The following CRACD variants were observed in gnomAD, a reference collection of about 807,000 sequenced individuals.
CRACD encodes the protein capping protein-inhibiting regulator of actin dynamics.
CRACD carries 56 observed loss-of-function variants against 106.8 expected under a neutral mutation model. The ratio of observed to expected loss-of-function variants is 0.52; its 90% CI spans 0.42 to 0.66. CRACD has a LOEUF of 0.66. Among genes scored for constraint, CRACD ranks in the 30% least tolerant of loss-of-function variants. The probability of loss-of-function intolerance (pLI) is 0.00; values close to 1 mark genes in which losing one functional copy is unlikely to be tolerated. For missense variants in CRACD, 1,730 were observed against 1,623.2 expected, an observed-to-expected ratio of 1.07 and a Z score of -1.13; for synonymous variants, 754 against 670.8, an observed-to-expected ratio of 1.12 and a Z score of -1.92.
At position 56,245,267 on chromosome 4, in the gene CRACD, G is replaced by A. The variant is rs549998387; in HGVS notation, c.-188-27054G>A. Among the ~76,000 whole-genome samples the A allele has an allele frequency of 2.6e-5, 4 of 152,256 alleles. No homozygotes were observed. In the South Asian group the frequency reaches 8.3e-4, roughly 32 times the overall value. ...ATAAATAATTGTTGAATGAATTCAA[G>A]TATGAATCTAAATCAAAAGACTCTC... is the stretch of plus-strand genomic sequence containing the variant. On this transcript the variant is annotated intron_variant, in intron 2 of 10. Transcript: ENST00000682029.
intron 3 of CRACD, among the ~76,000 whole-genome samples, chr4:56,273,136 C>T (rs1742460071): frequency 6.6e-6 from 1 of 152,024 alleles, no homozygotes; most frequent in Admixed American, 6.6e-5. Context: ...TTCCTTATGC[C>T]ATTGCTTTAC....
Position 56,323,523 on chromosome 4 carries a change from C to G in CRACD, c.3334C>G (p.Gln1112Glu), listed in dbSNP as rs768699354. The G allele has an allele frequency of 6.2e-6, 10 of 1,602,890 alleles. No homozygotes were observed. In the South Asian group the frequency reaches 7.9e-5, roughly 13 times the overall value. Reference protein sequence around the residue: ...EQQATREERKQAREAKQAEKL... With the variant: ...EQQATREERKEAREAKQAEKL... ...GCAGGCGACGCGGGAGGAGAGAAAGCAAGCCAGAGAGGCCAAACAGGCAGA... is the reference window on the plus strand; with the variant it reads ...GCAGGCGACGCGGGAGGAGAGAAAGGAAGCCAGAGAGGCCAAACAGGCAGA... The change falls in exon 9 of 11, where the codon CAA becomes GAA. Residue 1112 changes from glutamine to glutamate, a missense_variant. By Grantham distance (29) the Gln-to-Glu change is conservative. Transcript: ENST00000682029.
At chr4:56,061,345 G>T (rs6811687) in intron 1 of CRACD, among the ~76,000 whole-genome samples, 55,832 of 151,778 alleles carry the variant, frequency 0.37, 11,791 homozygotes, top group African/African-American at 0.59. Context: ...AGTTTTTGTG[G>T]TTTTTTTGTA....
intron 1 of CRACD, among the ~76,000 whole-genome samples, chr4:56,096,759 C>G (rs1029234634): frequency 1.3e-5 from 2 of 152,100 alleles, no homozygotes; most frequent in South Asian, 4.1e-4. Context: ...GTGACAAGAG[C>G]AGTTCGATGG....
At chr4:56,285,061 C>T (rs185927338) in intron 3 of CRACD, among the ~76,000 whole-genome samples, 261 of 152,272 alleles carry the variant, frequency 1.7e-3, no homozygotes, top group Non-Finnish European at 2.6e-3. Flanking sequence ...AACTTACAGT[C>T]ATGGTGGAAG....
intron 2 of CRACD, among the ~76,000 whole-genome samples, chr4:56,265,003 C>T (rs1180018721): frequency 2.6e-5 from 4 of 152,172 alleles, no homozygotes; most frequent in Non-Finnish European, 5.9e-5. Context: ...CACCTTACCT[C>T]ATGCCTCCTG....
intron 2 of CRACD, among the ~76,000 whole-genome samples, chr4:56,198,144 G>A (rs1259047904): frequency 6.6e-6 from 1 of 152,154 alleles, no homozygotes; most frequent in Non-Finnish European, 1.5e-5. Flanking sequence ...GAGCATAAAG[G>A]AGTTGATCTC....
intron 1 of CRACD, among the ~76,000 whole-genome samples, chr4:56,065,742 G>A (rs1241148548): frequency 6.6e-6 from 1 of 152,120 alleles, no homozygotes; most frequent in African/African-American, 2.4e-5. Context: ...GTGGGATTAA[G>A]TATGTTCAGT....
intron 1 of CRACD, among the ~76,000 whole-genome samples, chr4:56,161,478 G>A (rs1474374280): frequency 1.3e-5 from 2 of 151,810 alleles, no homozygotes; most frequent in African/African-American, 4.8e-5. Flanking sequence ...CTGAGATGGA[G>A]TCTCACTATG....
At chr4:56,173,271 T>C (rs1736453764) in intron 1 of CRACD, among the ~76,000 whole-genome samples, 1 of 152,224 alleles carries the variant, frequency 6.6e-6, no homozygotes, top group African/African-American at 2.4e-5. Flanking sequence ...CTTCAAAACA[T>C]GCATTGCCTC....
intron 2 of CRACD, among the ~76,000 whole-genome samples, chr4:56,224,645 C>T (rs962488): frequency 0.77 from 117,175 of 152,190 alleles, 45,566 homozygotes; most frequent in East Asian, 0.93. Flanking sequence ...GGAATGCTTA[C>T]ACATGGCGGG....
At chr4:56,188,965 C>T (rs1054543457) in intron 2 of CRACD, among the ~76,000 whole-genome samples, 15 of 152,082 alleles carry the variant, frequency 9.9e-5, no homozygotes, top group Non-Finnish European at 1.6e-4. Flanking sequence ...TAAGAATGTG[C>T]ATCACCTAAG....
At chr4:56,323,997 A>G in intron 9 of CRACD, 107 bp from the exon 10 acceptor site, 1 of 1,246,490 alleles carries the variant, frequency 8.0e-7, no homozygotes, top group East Asian at 2.4e-5. Flanking sequence ...CACCGTTGGA[A>G]GCAGAGGTCA....
chr4:56,171,497 A>G (rs1736363480), intron 1 of CRACD, among the ~76,000 whole-genome samples: 1 of 152,164 alleles, frequency 6.6e-6, no homozygotes, highest in Non-Finnish European at 1.5e-5. Flanking sequence ...ATTGAGCAAC[A>G]GTTTTTATTT....
chr4:56,107,035 G>C (rs1169234160), intron 1 of CRACD, among the ~76,000 whole-genome samples: 2 of 152,094 alleles, frequency 1.3e-5, no homozygotes, highest in African/African-American at 4.8e-5. Context: ...CAGTGACGTG[G>C]CCATAGCTCA....
At chr4:56,318,765 TG>T (rs1745852109) in intron 8 of CRACD, among the ~76,000 whole-genome samples, 1 of 152,216 alleles carries the variant, frequency 6.6e-6, no homozygotes, top group South Asian at 2.1e-4. Flanking sequence ...TGGCCAAATT[TG>T]TCTGACTGAA....
At chr4:56,169,832 C>T (rs1171231911) in intron 1 of CRACD, among the ~76,000 whole-genome samples, 3 of 151,954 alleles carry the variant, frequency 2.0e-5, no homozygotes, top group Admixed American at 6.6e-5. Flanking sequence ...GTTCTGCAGC[C>T]AAGTATCAGG....
chr4:56,057,814 G>GTTTTTTTTTTTTTTTT, intron 1 of CRACD, among the ~76,000 whole-genome samples: 55 of 67,304 alleles, frequency 8.2e-4, no homozygotes, highest in Non-Finnish European at 1.0e-3. Context: ...TTTTTTTTTT[G>GTTTTTTTTTTTTTTTT]TTTTTTTTTT....
chr4:56,227,457 A>C (rs1295690424), intron 2 of CRACD, among the ~76,000 whole-genome samples: 1 of 152,116 alleles, frequency 6.6e-6, no homozygotes, highest in African/African-American at 2.4e-5. Context: ...GTAACAAGGA[A>C]ACTTCCTGGT....
Sources: allele counts gnomAD v4.1 joint callset (sites outside exome capture counted in the v4.1 genomes callset), GRCh38; gene constraint gnomAD v4.1.1; transcripts MANE v1.5; gene names NCBI Gene and HGNC (gene_info 2026-07-23, HGNC 2026-07-21).